Variants in TMTC2 observed in about 807,000 individuals in gnomAD.
TMTC2 encodes transmembrane O-mannosyltransferase targeting cadherins 2.
In TMTC2, 43 loss-of-function variants were observed where a neutral mutation model predicts 82.4. The observed-to-expected ratio is 0.52, with a 90% CI of 0.41 to 0.67. TMTC2 has a LOEUF of 0.67. Among genes scored for constraint, TMTC2 ranks in the 30% least tolerant of loss-of-function variants. The pLI, the probability that TMTC2 is intolerant of heterozygous loss-of-function variation, is 0.00. For missense variants in TMTC2, 919 were observed against 1,012.4 expected, an observed-to-expected ratio of 0.91 and a Z score of 1.25; for synonymous variants, 408 against 381.9, an observed-to-expected ratio of 1.07 and a Z score of -0.80.
chr12:82,735,638 C>A (rs999341609), intron 1 of TMTC2, among the ~76,000 whole-genome samples: 2 of 151,608 alleles, frequency 1.3e-5, no homozygotes, highest in East Asian at 4.0e-4. Flanking sequence ...AGCCACCGCA[C>A]CCAGCCCCCC....
intron 4 of TMTC2, among the ~76,000 whole-genome samples, chr12:82,940,038 G>A (rs948162693): frequency 8.9e-4 from 14 of 15,708 alleles, no homozygotes; most frequent in Admixed American, 8.0e-3. Flanking sequence ...TTTTTTTTTT[G>A]AGACGGAGTT....
intron 2 of TMTC2, among the ~76,000 whole-genome samples, chr12:82,876,063 G>GTGA (rs1872511705): frequency 4.4e-5 from 5 of 112,622 alleles, no homozygotes; most frequent in Non-Finnish European, 7.6e-5. Context: ...GGTGGTGGTG[G>GTGA]TGGTGATGAT....
intron 1 of TMTC2, among the ~76,000 whole-genome samples, chr12:82,765,085 C>T (rs2136986313): frequency 6.6e-6 from 1 of 151,904 alleles, no homozygotes; most frequent in East Asian, 1.9e-4. Context: ...TCCTTGTGGG[C>T]AAAATATGGG....
chr12:83,036,904 G>A (rs1159133861), intron 9 of TMTC2, among the ~76,000 whole-genome samples: 1 of 152,072 alleles, frequency 6.6e-6, no homozygotes, highest in Admixed American at 6.5e-5. Context: ...AACCCAAGGG[G>A]CATCCAGGCT....
intron 8 of TMTC2, among the ~76,000 whole-genome samples, chr12:83,006,200 C>T (rs1258383455): frequency 6.6e-6 from 1 of 152,130 alleles, no homozygotes; most frequent in African/African-American, 2.4e-5. Context: ...TCGGCCATCC[C>T]ATGCAGTGCT....
At chr12:82,802,611 C>T (rs1447615440) in intron 1 of TMTC2, among the ~76,000 whole-genome samples, 10 of 152,082 alleles carry the variant, frequency 6.6e-5, no homozygotes, top group Admixed American at 6.5e-4. Context: ...TTTTAGTTTT[C>T]CTCCTTGAAA....
intron 1 of TMTC2, among the ~76,000 whole-genome samples, chr12:82,743,872 T>G (rs2136956929): frequency 6.6e-6 from 1 of 152,342 alleles, no homozygotes; most frequent in South Asian, 2.1e-4. Context: ...CAGGGATGTA[T>G]TATATTTTGC....
intron 2 of TMTC2, among the ~76,000 whole-genome samples, chr12:82,894,335 C>G (rs1873548012): frequency 6.6e-6 from 1 of 152,108 alleles, no homozygotes; most frequent in African/African-American, 2.4e-5. Flanking sequence ...ATAATTAGTT[C>G]TGTGGCTTCC....
intron 3 of TMTC2, among the ~76,000 whole-genome samples, chr12:82,912,918 G>A (rs1203513915): frequency 7.2e-6 from 1 of 138,166 alleles, no homozygotes; most frequent in Non-Finnish European, 1.5e-5. Flanking sequence ...CAGCCTGGGT[G>A]ACAGAGTTGA....
At chr12:82,988,778 T>C (rs1206232904) in intron 8 of TMTC2, among the ~76,000 whole-genome samples, 1 of 149,720 alleles carries the variant, frequency 6.7e-6, no homozygotes, top group Non-Finnish European at 1.5e-5. Context: ...AAGGAAAAGG[T>C]TTTCAAATAC....
intron 1 of TMTC2, among the ~76,000 whole-genome samples, chr12:82,697,242 G>A (rs1872852174): frequency 6.6e-6 from 1 of 150,746 alleles, no homozygotes; most frequent in Non-Finnish European, 1.5e-5. Flanking sequence ...TACTCAGGAG[G>A]CTGAGGCAGG....
At chr12:82,777,598 C>A (rs1470113171) in intron 1 of TMTC2, among the ~76,000 whole-genome samples, 1 of 152,002 alleles carries the variant, frequency 6.6e-6, no homozygotes, top group East Asian at 1.9e-4. Flanking sequence ...ATATTGAATT[C>A]TAGTGTGGTT....
chr12:82,834,579 G>C (rs1461386280), intron 1 of TMTC2, among the ~76,000 whole-genome samples: 2 of 152,166 alleles, frequency 1.3e-5, no homozygotes, highest in African/African-American at 4.8e-5. Flanking sequence ...GTTATTTAAA[G>C]ACATTTATCA....
intron 8 of TMTC2, among the ~76,000 whole-genome samples, chr12:82,994,640 A>C (rs900495016): frequency 5.9e-5 from 9 of 152,108 alleles, no homozygotes; most frequent in African/African-American, 2.2e-4. Flanking sequence ...AAAAAAAAAA[A>C]AAAAAGGCAG....
At chr12:83,061,200 G>A (rs1371850792) in intron 10 of TMTC2, among the ~76,000 whole-genome samples, 4 of 151,754 alleles carry the variant, frequency 2.6e-5, no homozygotes, top group Non-Finnish European at 5.9e-5. Flanking sequence ...ATTTAGCTGA[G>A]GTTAAGTCAT....
chr12:82,999,384 C>A (rs943074871), intron 8 of TMTC2, among the ~76,000 whole-genome samples: 3 of 152,186 alleles, frequency 2.0e-5, no homozygotes, highest in Admixed American at 6.5e-5. Flanking sequence ...TGTGACTTAT[C>A]ATTGTTTATG....
At chr12:82,716,488 C>T (rs1295085333) in intron 1 of TMTC2, among the ~76,000 whole-genome samples, 1 of 151,910 alleles carries the variant, frequency 6.6e-6, no homozygotes, top group Non-Finnish European at 1.5e-5. Flanking sequence ...CTCAGCCTCC[C>T]GTGTAGCTGG....
rs1468483679 is a variant in TMTC2 at position 83,133,937 on chromosome 12, C to T, written c.*1548C>T. On this transcript the variant is annotated 3_prime_UTR_variant, in exon 12 of 12. Coordinates refer to ENST00000321196, the MANE Select transcript of TMTC2 (RefSeq NM_152588.3). ...TCACACTCCATGTATATATGATCAG[C>T]CTCTCCATTAAAAAGAAGCTGGACA... 6.6e-6 allele frequency: 1 copy of T among 152,298 alleles called. No individual in the cohort carries two copies. Among genetic ancestry groups the T allele is most frequent in the Non-Finnish European group, 1.5e-5 (1 of 68,032 alleles). The allele number at this position is 152,298 out of a possible 1,614,324, so 9.4% of individuals were successfully genotyped here.
intron 11 of TMTC2, among the ~76,000 whole-genome samples, chr12:83,124,086 G>A (rs960866368): frequency 4.6e-5 from 7 of 152,108 alleles, no homozygotes; most frequent in South Asian, 2.1e-4. Flanking sequence ...TCCCTCTTTC[G>A]GTCTGAAGGG....
Sources: gnomAD v4.1 joint callset for allele counts (sites outside exome capture counted in the v4.1 genomes callset) on GRCh38, gnomAD v4.1.1 for gene constraint, MANE v1.5 for transcripts, NCBI Gene and HGNC (gene_info 2026-07-23, HGNC 2026-07-21) for gene names.